The following TUNAR variants were observed in gnomAD, a reference collection of about 807,000 sequenced individuals.
The protein encoded by TUNAR is protein TUNAR.
chr14:95,887,541 A>G (rs1237056680), intron 2 of TUNAR, among the ~76,000 whole-genome samples: 1 of 152,220 alleles, frequency 6.6e-6, no homozygotes, highest in Non-Finnish European at 1.5e-5. Flanking sequence ...TGCTCATAAA[A>G]TGCATCCGTC....
chr14:95,903,183 T>C (rs1439057013), intron 2 of TUNAR, among the ~76,000 whole-genome samples: 1 of 152,140 alleles, frequency 6.6e-6, no homozygotes, highest in African/African-American at 2.4e-5. Flanking sequence ...AAAGGGGAGA[T>C]GTTTCTCCCG....
intron 2 of TUNAR, among the ~76,000 whole-genome samples, chr14:95,904,494 A>G (rs1196854353): frequency 1.3e-5 from 2 of 151,988 alleles, no homozygotes; most frequent in Non-Finnish European, 2.9e-5. Context: ...AGGGCAGACC[A>G]CTCTCTCTGG....
At chr14:95,894,483 A>C (rs1321345420) in intron 2 of TUNAR, among the ~76,000 whole-genome samples, 1 of 152,116 alleles carries the variant, frequency 6.6e-6, no homozygotes, top group East Asian at 1.9e-4. Flanking sequence ...GGAGAGATTC[A>C]CACGTGAGGA....
At chr14:95,902,685 C>A (rs1044443739) in intron 2 of TUNAR, among the ~76,000 whole-genome samples, 1 of 152,104 alleles carries the variant, frequency 6.6e-6, no homozygotes, top group Non-Finnish European at 1.5e-5. Flanking sequence ...GGTGGGGGAG[C>A]CTGCTTGGTA....
chr14:95,905,006 C>G (rs1279595644), intron 2 of TUNAR, among the ~76,000 whole-genome samples: 3 of 152,202 alleles, frequency 2.0e-5, no homozygotes, highest in Non-Finnish European at 4.4e-5. Context: ...AGCCTCTGTT[C>G]CCTGCATCCT....
chr14:95,891,838 A>G lies in TUNAR; in HGVS notation c.12+14661A>G, dbSNP rs531729778. Among the ~76,000 whole-genome samples the G allele has an allele frequency of 3.3e-5, 5 of 152,314 alleles. No individual in the cohort carries two copies. In the South Asian group the frequency reaches 1.0e-3, roughly 32 times the overall value. On this transcript the variant is annotated intron_variant, in intron 2 of 2. Transcript: ENST00000678517. Reference sequence around the variant, plus strand: ...GGGCTGTGCTCCATCGGAAGGCTCCAGGGCAGGATCCCTGTCTCCTCCCGG... The same window carrying G: ...GGGCTGTGCTCCATCGGAAGGCTCCGGGGCAGGATCCCTGTCTCCTCCCGG...
intron 2 of TUNAR, among the ~76,000 whole-genome samples, chr14:95,892,576 G>A (rs1008008032): frequency 2.6e-5 from 4 of 152,218 alleles, no homozygotes; most frequent in African/African-American, 9.6e-5. Context: ...TTAGACATTC[G>A]AGCTGGCCTG....
chr14:95,880,375 A>T (rs1888960877), intron 2 of TUNAR, among the ~76,000 whole-genome samples: 1 of 152,074 alleles, frequency 6.6e-6, no homozygotes, highest in African/African-American at 2.4e-5. Context: ...GTGAAGGAGG[A>T]TGGAGCTTTG....
chr14:95,903,036 A>C (rs1889380250), intron 2 of TUNAR, among the ~76,000 whole-genome samples: 1 of 152,226 alleles, frequency 6.6e-6, no homozygotes, highest in Non-Finnish European at 1.5e-5. Context: ...CATTGAATCC[A>C]TACAACAGTA....
chr14:95,922,246 A>T (rs901488243), intron 2 of TUNAR, among the ~76,000 whole-genome samples: 2 of 152,016 alleles, frequency 1.3e-5, no homozygotes, highest in East Asian at 1.9e-4. Flanking sequence ...CCGTGCATAG[A>T]CCCTTTACCA....
intron 2 of TUNAR, among the ~76,000 whole-genome samples, chr14:95,896,832 C>T (rs1889276800): frequency 6.6e-6 from 1 of 152,198 alleles, no homozygotes; most frequent in South Asian, 2.1e-4. Flanking sequence ...GCAGGGTCTC[C>T]TTGCAGGCCT....
chr14:95,923,143 G>C (rs1422001465), exon 3 of TUNAR: 4 of 392,708 alleles, frequency 1.0e-5, no homozygotes, highest in Non-Finnish European at 1.8e-5. Context: ...CTGCTGCAGG[G>C]AGCAGACACT....
chr14:95,905,240 T>A (rs949254895), intron 2 of TUNAR, among the ~76,000 whole-genome samples: 18 of 152,158 alleles, frequency 1.2e-4, no homozygotes, highest in Admixed American at 1.1e-3. Context: ...CAACGTGTAA[T>A]ACTATTAACT....
At chr14:95,903,311 C>A (rs879794461) in intron 2 of TUNAR, among the ~76,000 whole-genome samples, 3 of 152,188 alleles carry the variant, frequency 2.0e-5, no homozygotes, top group African/African-American at 4.8e-5. Flanking sequence ...TACTTGGCCC[C>A]TGGGAAGCAG....
chr14:95,877,371 TCTG>T (rs1371982846), intron 2 of TUNAR, among the ~76,000 whole-genome samples, 194 bp downstream of exon 1: 1 of 152,224 alleles, frequency 6.6e-6, no homozygotes, highest in Non-Finnish European at 1.5e-5. Flanking sequence ...GGTGCTTTCT[TCTG>T]CCTTCTGGAG....
chr14:95,893,867 C>T (rs564075747), intron 2 of TUNAR, among the ~76,000 whole-genome samples: 6 of 152,392 alleles, frequency 3.9e-5, no homozygotes, highest in African/African-American at 1.2e-4. Context: ...CGAATTGTGG[C>T]TGCACTATGT....
At chr14:95,911,996 C>T (rs773845631) in intron 2 of TUNAR, among the ~76,000 whole-genome samples, 2 of 152,218 alleles carry the variant, frequency 1.3e-5, no homozygotes, top group Non-Finnish European at 2.9e-5. Flanking sequence ...TCCAGCCTCT[C>T]AGGCAGAGAG....
At chr14:95,882,210 C>G (rs1888991063) in intron 2 of TUNAR, among the ~76,000 whole-genome samples, 1 of 152,116 alleles carries the variant, frequency 6.6e-6, no homozygotes, top group Non-Finnish European at 1.5e-5. Context: ...ATCTTCTGCC[C>G]CCAGACTTTG....
intron 2 of TUNAR, among the ~76,000 whole-genome samples, chr14:95,919,384 T>C (rs1391505928): frequency 6.6e-6 from 1 of 152,244 alleles, no homozygotes; most frequent in Non-Finnish European, 1.5e-5. Context: ...ACATGCAGCA[T>C]GCTGCAGTGT....
Sources: allele counts gnomAD v4.1 joint callset (sites outside exome capture counted in the v4.1 genomes callset), GRCh38; gene constraint gnomAD v4.1.1; transcripts MANE v1.5; gene names NCBI Gene and HGNC (gene_info 2026-07-23, HGNC 2026-07-21).